NFATC2: variants seen among roughly 807,000 people sequenced by gnomAD.
The protein encoded by NFATC2 is nuclear factor of activated T cells 2, also known as nuclear factor of activated T-cells, cytoplasmic 2.
In NFATC2, 22 loss-of-function variants were observed where a neutral mutation model predicts 87.3. That is an observed-to-expected ratio of 0.25 (90% CI 0.18 to 0.36). The LOEUF is 0.36. NFATC2 is among the 10% of genes least tolerant of loss of function. The pLI is 1.00. For synonymous variants in NFATC2, 565 were observed against 542.2 expected, an observed-to-expected ratio of 1.04 and a Z score of -0.58; for missense variants, 1,149 against 1,259.1, an observed-to-expected ratio of 0.91 and a Z score of 1.32.
intron 1 of NFATC2, among the ~76,000 whole-genome samples, chr20:51,539,062 A>G (rs1327033973): frequency 6.6e-6 from 1 of 152,176 alleles, no homozygotes; most frequent in African/African-American, 2.4e-5. Context: ...GTCCTCCTCC[A>G]TAAAACAGGG....
intron 10 of NFATC2, among the ~76,000 whole-genome samples, chr20:51,396,150 G>A (rs1987103687): frequency 6.7e-6 from 1 of 148,276 alleles, no homozygotes; most frequent in Admixed American, 6.8e-5. Context: ...TTTTGAGGGT[G>A]GCAATCTGGG....
At chr20:51,561,471 G>GC (rs2077027863) in intron 1 of NFATC2, among the ~76,000 whole-genome samples, 1 of 137,950 alleles carries the variant, frequency 7.2e-6, no homozygotes, top group Admixed American at 7.5e-5. Context: ...AAGAAAGAAA[G>GC]AAAGAAAGAA....
At chr20:51,474,920 G>A (rs554824652) in intron 4 of NFATC2, among the ~76,000 whole-genome samples, 197 of 151,542 alleles carry the variant, frequency 1.3e-3, no homozygotes, top group African/African-American at 4.3e-3. Context: ...AAATATTCAC[G>A]AGTTCTTCCT....
At chr20:51,519,902 C>T (rs1568719435) in intron 2 of NFATC2, among the ~76,000 whole-genome samples, 1 of 146,432 alleles carries the variant, frequency 6.8e-6, no homozygotes, top group African/African-American at 2.6e-5. Context: ...GGTGACAGAG[C>T]GAGACTCCAT....
At position 51,562,314 on chromosome 20, in the gene NFATC2, G is replaced by A. The variant is rs1421202279; in HGVS notation, c.70+246C>T. Among the ~76,000 whole-genome samples the A allele has an allele frequency of 1.3e-5, 2 of 152,204 alleles. No individual in the cohort carries two copies. Among genetic ancestry groups the A allele is most frequent in the African/African-American group, 2.4e-5 (1 of 41,464 alleles). ...CGACAGACTGGCCTAGGGAATCCCG[G>A]CCTGGGACACTTCCCTGCCCCCGCG... is the stretch of plus-strand genomic sequence containing the variant. On this transcript the variant is annotated intron_variant, in intron 1 of 10. Transcript: ENST00000414705. The surrounding 1 kb of genome is among the most constrained non-coding windows in gnomAD (Gnocchi z 5.8).
intron 7 of NFATC2, 121 bp downstream of exon 7, chr20:51,435,585 G>A: frequency 1.8e-6 from 2 of 1,082,200 alleles, no homozygotes; most frequent in Non-Finnish European, 2.7e-6. Context: ...CACATATTGA[G>A]TACCTGTTAG....
intron 3 of NFATC2, among the ~76,000 whole-genome samples, chr20:51,501,033 C>T (rs1449366599): frequency 1.3e-5 from 2 of 150,864 alleles, no homozygotes; most frequent in African/African-American, 4.9e-5. Flanking sequence ...GCAACCAGTG[C>T]AAAGACTGAG....
intron 6 of NFATC2, among the ~76,000 whole-genome samples, chr20:51,447,950 A>G (rs1465820582): frequency 6.6e-6 from 1 of 152,186 alleles, no homozygotes; most frequent in Non-Finnish European, 1.5e-5. Context: ...TGTGAGCCTC[A>G]GTTACCTCAT....
intron 8 of NFATC2, 57 bp downstream of exon 8, chr20:51,435,131 A>T (rs1410501654): frequency 6.2e-7 from 1 of 1,601,454 alleles, no homozygotes; most frequent in African/African-American, 1.3e-5. Context: ...AGGAGTCCTG[A>T]GCCCTGTGCC....
intron 9 of NFATC2, among the ~76,000 whole-genome samples, chr20:51,408,610 G>C (rs913272076): frequency 6.6e-6 from 1 of 151,572 alleles, no homozygotes; most frequent in Non-Finnish European, 1.5e-5. Flanking sequence ...CTGAATAGAT[G>C]GTTGGTGATA....
intron 3 of NFATC2, among the ~76,000 whole-genome samples, chr20:51,483,886 C>T (rs1989486310): frequency 6.6e-6 from 1 of 151,346 alleles, no homozygotes; most frequent in Non-Finnish European, 1.5e-5. Flanking sequence ...AGTCTCCTTA[C>T]CCACCCCTCT....
chr20:51,526,233 C>A (rs1224328026), intron 1 of NFATC2, among the ~76,000 whole-genome samples: 4 of 152,220 alleles, frequency 2.6e-5, no homozygotes, highest in Non-Finnish European at 5.9e-5. Context: ...CAGGTGCAGG[C>A]AAACCACAGC....
At chr20:51,542,179 G>C (rs990597787) in intron 1 of NFATC2, among the ~76,000 whole-genome samples, 191 bp downstream of exon 1, 2 of 152,146 alleles carry the variant, frequency 1.3e-5, no homozygotes, top group South Asian at 4.1e-4. Context: ...AGGGGCAAGA[G>C]GGAGCCGACC....
chr20:51,392,240 A>G (rs866768424), intron 10 of NFATC2, among the ~76,000 whole-genome samples: 9 of 152,348 alleles, frequency 5.9e-5, no homozygotes, highest in Admixed American at 2.6e-4. Flanking sequence ...AAGACTGACT[A>G]GCCATCAACA....
At chr20:51,531,767 A>G (rs957254949) in intron 1 of NFATC2, among the ~76,000 whole-genome samples, 8 of 152,238 alleles carry the variant, frequency 5.3e-5, no homozygotes, top group African/African-American at 1.9e-4. Flanking sequence ...TTATTATTGA[A>G]AGAACAATCT....
chr20:51,483,754 C>T (rs1052163555), intron 3 of NFATC2, among the ~76,000 whole-genome samples: 53 of 152,088 alleles, frequency 3.5e-4, no homozygotes, highest in African/African-American at 1.2e-3. Context: ...CTCTCTCTGC[C>T]TCCATCCCAT....
In NFATC2 at chr20:51,523,275, C is replaced by A. The variant is rs757071608; in HGVS notation, c.966G>T (p.Met322Ile). The stretch of plus-strand genomic sequence containing the variant: ...GCGAGGGGTCAGGGCTGGTCTTCCA[C>A]ATCTTGGGGGGGATCCCACAAGGCG... ...TDSPCGIPPK[M>I]WKTSPDPSPV... The change falls in exon 2 of 11, where the codon ATG becomes ATT. Residue 322 changes from methionine to isoleucine, a missense_variant. By Grantham distance (10) the Met-to-Ile change is conservative. This residue lies in a region of NFATC2 where 563 missense variants were observed against 585.2 expected (regional missense o/e 0.96). Coordinates refer to ENST00000371564, the MANE Select transcript of NFATC2 (RefSeq NM_012340.5). This position sits in a 1 kb window ranked among gnomAD's most constrained non-coding sequence, Gnocchi z 6.9. The A allele has an allele frequency of 1.2e-6, 2 of 1,613,776 alleles. No homozygotes were observed. The highest frequency in any genetic ancestry group is 2.2e-5 in the South Asian group (2 of 91,064).
chr20:51,480,289 A>AAAAAAATAGAAT lies in NFATC2; in HGVS notation c.1333-4641_1333-4630dup, dbSNP rs3838019. On this transcript the variant is annotated intron_variant, in intron 3 of 10. Transcript: ENST00000371564. The surrounding 1 kb of genome is among the most constrained non-coding windows in gnomAD (Gnocchi z 4.2). ...GGTCACAAAGCAAGACTCTGTCTCAAAAAAAATAGAATGTGCTTCCTGCCG... is the reference window on the plus strand; with the variant it reads ...GGTCACAAAGCAAGACTCTGTCTCAAAAAAAATAGAATAAAAAATAGAATGTGCTTCCTGCCG... Among the ~76,000 whole-genome samples the AAAAAAATAGAAT allele has an allele frequency of 4.5e-3, 677 of 151,692 alleles. 8 individuals carry two copies. The highest frequency in any genetic ancestry group is 0.016 in the African/African-American group (644 of 41,212).
In NFATC2 at chr20:51,454,664, G is replaced by C; in HGVS notation, c.1733C>G (p.Pro578Arg). 6.2e-7 allele frequency: 1 copy of C among 1,613,964 alleles called. No homozygotes were observed. Among genetic ancestry groups the C allele is most frequent in the Non-Finnish European group, 8.5e-7 (1 of 1,180,020 alleles). The change falls in exon 6 of 11, where the codon CCC becomes CGC. Residue 578 changes from proline to arginine, a missense_variant. Pro to Arg is a moderately radical substitution (Grantham distance 103). Around this residue, in one of 3 missense-constraint regions of NFATC2, gnomAD observed 581 missense variants for 649.7 expected, o/e 0.89. Coordinates refer to ENST00000371564, the MANE Select transcript of NFATC2 (RefSeq NM_012340.5). ...ECSQRSAHEL[P>R]MVERQDTDSC... is the part of the protein sequence containing the mutation. ...GTCTGTGTCTTGTCTTTCAACCATG[G>C]GCAGCTCGTGAGCAGATCGCTGGGC...
Sources: gnomAD v4.1 joint callset for allele counts (sites outside exome capture counted in the v4.1 genomes callset) on GRCh38, gnomAD v4.1.1 for gene constraint, gnomAD v4.1.1 regional missense constraint, Gnocchi (gnomAD v3.1) non-coding constraint, MANE v1.5 for transcripts, NCBI Gene and HGNC (gene_info 2026-07-23, HGNC 2026-07-21) for gene names.